Variants in RTN4 observed in about 807,000 individuals in gnomAD.
RTN4 encodes the protein reticulon 4, also known as reticulon-4.
In RTN4, 32 loss-of-function variants were observed where a neutral mutation model predicts 90.4. That is an observed-to-expected ratio of 0.35 (90% CI 0.27 to 0.48). The LOEUF is 0.48. Among genes scored for constraint, RTN4 ranks in the 20% least tolerant of loss-of-function variants. The pLI, the probability that RTN4 is intolerant of heterozygous loss-of-function variation, is 0.99. For synonymous variants in RTN4, 629 were observed against 552.5 expected, an observed-to-expected ratio of 1.14 and a Z score of -1.94; for missense variants, 1,706 against 1,430.2, an observed-to-expected ratio of 1.19 and a Z score of -3.11.
At position 55,050,077 on chromosome 2, in the gene RTN4, C is replaced by A; in HGVS notation, c.224G>T (p.Gly75Val). The change falls in exon 1 of 9, where the codon GGC (glycine) becomes GTC (valine). Residue 75 changes from glycine to valine, a missense_variant. Gly to Val is a moderately radical substitution (Grantham distance 109). Coordinates refer to ENST00000337526, the MANE Select transcript of RTN4 (RefSeq NM_020532.5). This position sits in a 1 kb window ranked among gnomAD's most constrained non-coding sequence, Gnocchi z 4.6. The part of the protein sequence containing the change: ...AAPVPTAPAA[G>V]APLMDFGNDF... The stretch of plus-strand genomic sequence containing the variant: ...ATTTCCGAAGTCCATCAGGGGCGCG[C>A]CGGCGGCAGGGGCGGTGGGCACTGG... 1 of 1,453,132 alleles carries A rather than the reference C, an allele frequency of 6.9e-7. No homozygotes were observed. Among genetic ancestry groups the A allele is most frequent in the Non-Finnish European group, 9.0e-7 (1 of 1,108,290 alleles). 90.0% of individuals were successfully genotyped at this position (1,453,132 alleles called of 1,614,324 possible). A position where few individuals can be genotyped will look rare whatever the true frequency, so the allele number is the denominator to read the frequency against.
At chr2:55,031,676 T>C (rs1053721630) in intron 1 of RTN4, among the ~76,000 whole-genome samples, 2 of 152,200 alleles carry the variant, frequency 1.3e-5, no homozygotes, top group Non-Finnish European at 2.9e-5. Context: ...AAGGATACTC[T>C]AGACCAAGAG....
In RTN4 at chr2:54,978,168, AC is replaced by A. The variant is rs1262135815; in HGVS notation, c.3361-3405del. Reference sequence around the variant, plus strand: ...TTGTAGGCTGGGCATGGTGGCTCACACCTGTAATCCCAGCACTCTGGGAGGC... The same window carrying A: ...TTGTAGGCTGGGCATGGTGGCTCACACTGTAATCCCAGCACTCTGGGAGGC... On this transcript the variant is annotated intron_variant, in intron 5 of 8. Transcript: ENST00000337526. Among the ~76,000 whole-genome samples, 3 of 152,168 alleles carry A rather than the reference AC, an allele frequency of 2.0e-5. No individual in the cohort carries two copies. In the East Asian group the frequency reaches 5.8e-4, roughly 29 times the overall value.
chr2:55,131,150 T>C, the RTN4 span, among the ~76,000 whole-genome samples: 2 of 152,094 alleles, frequency 1.3e-5, no homozygotes, highest in African/African-American at 4.8e-5. Flanking sequence ...CAATCTCAGC[T>C]CACTACAACC....
intron 3 of RTN4, chr2:55,010,210 T>C: frequency 1.3e-6 from 2 of 1,596,438 alleles, no homozygotes; most frequent in Non-Finnish European, 1.7e-6. Flanking sequence ...CCCTGAGACA[T>C]GAAATACCCG....
chr2:54,987,509 T>C lies in RTN4; in HGVS notation c.3203A>G (p.Asp1068Gly). 1 of 1,613,996 alleles carries C rather than the reference T, an allele frequency of 6.2e-7. No homozygotes were observed. The highest frequency in any genetic ancestry group is 8.5e-7 in the Non-Finnish European group (1 of 1,179,834). ...ATCTCACCTGAATGGGTGGCCTTCA[T>C]CTGATTTCTGGATAGCTTGGATCAC... ...KGVIQAIQKS[D>G]EGHPFRAYLE... is the part of the protein sequence containing the mutation. The change falls in exon 4 of 9, where the codon GAT becomes GGT. Residue 1068 changes from aspartate (D) to glycine (G), a missense_variant. Transcript: ENST00000337526.
intron 1 of RTN4, among the ~76,000 whole-genome samples, chr2:55,094,550 T>C (rs1668998616): frequency 6.6e-6 from 1 of 151,996 alleles, no homozygotes; most frequent in South Asian, 2.1e-4. Flanking sequence ...CCACATACCA[T>C]AAACAAGTAA....
intron 2 of RTN4, among the ~76,000 whole-genome samples, chr2:55,071,597 T>C (rs1328045348): frequency 7.2e-6 from 1 of 139,750 alleles, no homozygotes; most frequent in Non-Finnish European, 1.6e-5. Context: ...ATGCAGAGAA[T>C]ATTTGTGATC....
intron 1 of RTN4, among the ~76,000 whole-genome samples, chr2:55,032,703 T>C (rs1013047387): frequency 3.4e-5 from 5 of 147,686 alleles, no homozygotes; most frequent in African/African-American, 1.2e-4. Flanking sequence ...AATCAAGGAG[T>C]TAAAATACCT....
chr2:55,038,272 T>G (rs1438499905), intron 1 of RTN4, among the ~76,000 whole-genome samples: 2 of 152,138 alleles, frequency 1.3e-5, no homozygotes, highest in Non-Finnish European at 2.9e-5. Flanking sequence ...AAAGAAAAAG[T>G]AATTATGACT....
chr2:55,046,602 C>G (rs749172582), intron 1 of RTN4, among the ~76,000 whole-genome samples: 1 of 152,148 alleles, frequency 6.6e-6, no homozygotes. Flanking sequence ...ATTCTGGGTT[C>G]TTTATTTATG....
intron 1 of RTN4, among the ~76,000 whole-genome samples, chr2:55,103,523 G>C (rs1558881268): frequency 6.6e-6 from 1 of 151,902 alleles, no homozygotes; most frequent in Non-Finnish European, 1.5e-5. Context: ...TAATAAAGGG[G>C]CTGGGAGAAA....
intron 2 of RTN4, among the ~76,000 whole-genome samples, chr2:55,068,225 T>G (rs1668428270): frequency 6.6e-6 from 1 of 152,192 alleles, no homozygotes; most frequent in Admixed American, 6.6e-5. Context: ...AATCTGAAAG[T>G]ATATCGATGA....
At chr2:55,019,467 G>A (rs749122296) in intron 3 of RTN4, among the ~76,000 whole-genome samples, 1 of 152,088 alleles carries the variant, frequency 6.6e-6, no homozygotes, top group African/African-American at 2.4e-5. Context: ...TTGCCCAGAC[G>A]GTCAAAATTA....
At chr2:55,105,202 C>CT (rs1193217087) in intron 1 of RTN4, among the ~76,000 whole-genome samples, 1 of 127,026 alleles carries the variant, frequency 7.9e-6, no homozygotes, top group Non-Finnish European at 1.7e-5. Context: ...TACTCATTGC[C>CT]TTCCCCCCTT....
At chr2:55,088,359 A>G (rs1371887613) in intron 1 of RTN4, among the ~76,000 whole-genome samples, 2 of 152,258 alleles carry the variant, frequency 1.3e-5, no homozygotes, top group African/African-American at 4.8e-5. Context: ...TTAAAAATGC[A>G]AAGCACACAC....
chr2:55,016,872 A>C (rs574166906), intron 3 of RTN4, among the ~76,000 whole-genome samples: 69 of 152,318 alleles, frequency 4.5e-4, no homozygotes, highest in African/African-American at 1.1e-3. Context: ...ATACAGCTAA[A>C]TCAGTGAAAG....
chr2:55,078,930 T>G (rs577440171), intron 2 of RTN4, among the ~76,000 whole-genome samples: 2 of 152,152 alleles, frequency 1.3e-5, no homozygotes, highest in South Asian at 2.1e-4. Context: ...TGACCATCCT[T>G]GGGAATAAGG....
chr2:55,047,140 G>T (rs1274634063), intron 1 of RTN4, among the ~76,000 whole-genome samples: 1 of 152,072 alleles, frequency 6.6e-6, no homozygotes, highest in Non-Finnish European at 1.5e-5. Context: ...CACCAGCCTG[G>T]CCAACATGGT....
chr2:55,044,785 TAAAAAAAAAAAAAAAAAAAAA>T (rs10639848), intron 1 of RTN4, among the ~76,000 whole-genome samples: 1 of 65,646 alleles, frequency 1.5e-5, no homozygotes, highest in Non-Finnish European at 2.6e-5. Flanking sequence ...TGCAAATCAC[TAAAAAAAAAAAAAAAAAAAAA>T]AAAAGACCAC....
Sources: allele counts gnomAD v4.1 joint callset (sites outside exome capture counted in the v4.1 genomes callset), GRCh38; gene constraint gnomAD v4.1.1; non-coding constraint Gnocchi (gnomAD v3.1); transcripts MANE v1.5; gene names NCBI Gene and HGNC (gene_info 2026-07-23, HGNC 2026-07-21).